The following RAPGEF6 variants were observed in gnomAD, a reference collection of about 807,000 sequenced individuals.
The protein encoded by RAPGEF6 is PDZ domain containing guanine nucleotide exchange factor (GEF) 2.
Under a neutral mutation model 171.4 loss-of-function variants are expected in RAPGEF6, and 56 were observed. That is an observed-to-expected ratio of 0.33 (90% confidence interval 0.26 to 0.41). RAPGEF6 has a LOEUF of 0.41. RAPGEF6 is among the 10% of genes least tolerant of loss of function. RAPGEF6 has a pLI of 1.00. For missense variants in RAPGEF6, 1,674 were observed against 1,921.4 expected, an observed-to-expected ratio of 0.87 and a Z score of 2.41; for synonymous variants, 692 against 650.1, an observed-to-expected ratio of 1.06 and a Z score of -0.98.
At chr5:131,454,397 G>A (rs1012324422) in intron 20 of RAPGEF6, among the ~76,000 whole-genome samples, 1 of 151,982 alleles carries the variant, frequency 6.6e-6, no homozygotes, top group Non-Finnish European at 1.5e-5. Context: ...AGGCACATCA[G>A]GAGAAAACAT....
At chr5:131,547,950 A>AGCCCAGCATGTTGTATGT (rs1760658851) in intron 6 of RAPGEF6, 97 bp downstream of exon 6, 1 of 1,325,914 alleles carries the variant, frequency 7.5e-7, no homozygotes, top group Non-Finnish European at 1.0e-6. Flanking sequence ...TCACATACAG[A>AGCCCAGCATGTTGTATGT]GCCCAGCATG....
chr5:131,463,708 TAGAAAA>T (rs1373876915), intron 18 of RAPGEF6: 2 of 968,110 alleles, frequency 2.1e-6, no homozygotes, highest in Non-Finnish European at 2.5e-6. Flanking sequence ...GAAAACTACT[TAGAAAA>T]AGAACTGTGA....
At chr5:131,496,440 C>T (rs1756647523) in intron 12 of RAPGEF6, among the ~76,000 whole-genome samples, 1 of 152,024 alleles carries the variant, frequency 6.6e-6, no homozygotes, top group Non-Finnish European at 1.5e-5. Flanking sequence ...TAACCATCAC[C>T]ACTGTCTAGT....
chr5:131,580,024 G>A (rs879468572), intron 4 of RAPGEF6, among the ~76,000 whole-genome samples: 4 of 152,258 alleles, frequency 2.6e-5, no homozygotes, highest in Non-Finnish European at 4.4e-5. Flanking sequence ...TCAGTCCCAA[G>A]CTGCGCGCCT....
rs1306347679 is a variant in RAPGEF6, at chr5:131,498,581, A to G, written c.1281T>C (p.His427=). 1.2e-6 allele frequency: 2 copies of G among 1,613,632 alleles called. No homozygotes were observed. The highest frequency in any genetic ancestry group is 3.3e-5 in the Admixed American group (2 of 59,972). The stretch of plus-strand genomic sequence containing the variant: ...CCACGATGGAATGTTCTTCTATTAA[A>G]TGCATTATGAGACGCTCAGGTGTTG... The part of the protein sequence containing the change: ...IKATPERLIM[H]LIEEHSIVDP... Residue 427 remains histidine, a synonymous_variant, in exon 12 of 28, where the codon CAT becomes CAC. Transcript: ENST00000509018.
chr5:131,491,911 T>C (rs1756307603), intron 14 of RAPGEF6, among the ~76,000 whole-genome samples: 2 of 152,130 alleles, frequency 1.3e-5, no homozygotes, highest in Admixed American at 6.5e-5. Context: ...TGTTCAGACA[T>C]CATTGCTTAA....
chr5:131,472,892 A>G (rs1482744719), intron 16 of RAPGEF6, 148 bp from the exon 17 acceptor site: 23 of 654,800 alleles, frequency 3.5e-5, no homozygotes. Flanking sequence ...TTAAAAGACA[A>G]TTGTAATGAT....
At chr5:131,453,900 G>A (rs1488893658) in intron 20 of RAPGEF6, among the ~76,000 whole-genome samples, 2 of 152,200 alleles carry the variant, frequency 1.3e-5, no homozygotes, top group Non-Finnish European at 2.9e-5. Context: ...CATATCTGAA[G>A]CCTGTAACAT....
Position 131,427,156 on chromosome 5 carries a change from G to T in RAPGEF6, c.*110C>A. On this transcript the variant is annotated 3_prime_UTR_variant, in exon 28 of 28. Coordinates refer to ENST00000509018, the MANE Select transcript of RAPGEF6 (RefSeq NM_016340.6). ...CGGAGTAGAGGGAATAAAACCTCTGGACTGGTTGTAGCAATGAGCTGTTCG... is the reference window on the plus strand; with the variant it reads ...CGGAGTAGAGGGAATAAAACCTCTGTACTGGTTGTAGCAATGAGCTGTTCG... The T allele has an allele frequency of 2.0e-6, 2 of 981,380 alleles. No individual in the cohort carries two copies. The highest frequency in any genetic ancestry group is 3.3e-6 in the Non-Finnish European group (2 of 608,810). 60.8% of individuals were successfully genotyped at this position (981,380 alleles called of 1,614,324 possible).
intron 4 of RAPGEF6, among the ~76,000 whole-genome samples, chr5:131,580,395 C>T (rs549769111): frequency 1.4e-4 from 21 of 152,148 alleles, no homozygotes; most frequent in Non-Finnish European, 2.2e-4. Context: ...AGCGCAGCCC[C>T]TGTTCCTGCC....
rs151048347 is a variant in RAPGEF6 at position 131,480,363 on chromosome 5, T to C, written c.1841-610A>G. 5.6e-3 allele frequency among the ~76,000 whole-genome samples: 850 copies of C among 152,310 alleles called. 6 individuals carry two copies. Among genetic ancestry groups the C allele is most frequent in the Middle Eastern group, 0.02 (6 of 294 alleles). On this transcript the variant is annotated intron_variant, in intron 15 of 27. Coordinates refer to ENST00000509018, the MANE Select transcript of RAPGEF6 (RefSeq NM_016340.6). The stretch of plus-strand genomic sequence containing the variant: ...GCATATACCGAGGGATAACTACATA[T>C]GTCACTTGAGATGAGACCTCACTAC...
intron 1 of RAPGEF6, among the ~76,000 whole-genome samples, chr5:131,631,831 C>T (rs991782849): frequency 1.3e-5 from 2 of 152,264 alleles, no homozygotes; most frequent in African/African-American, 2.4e-5. Flanking sequence ...AATCCCAGCA[C>T]TTTGGGAGGC....
At chr5:131,555,887 A>T (rs1007985995) in intron 5 of RAPGEF6, among the ~76,000 whole-genome samples, 1 of 152,226 alleles carries the variant, frequency 6.6e-6, no homozygotes, top group Non-Finnish European at 1.5e-5. Context: ...TGAACATCAT[A>T]GAGTGCACTT....
intron 4 of RAPGEF6, among the ~76,000 whole-genome samples, chr5:131,574,934 C>G (rs1342897684): frequency 6.6e-6 from 1 of 152,126 alleles, no homozygotes; most frequent in Non-Finnish European, 1.5e-5. Context: ...TTTTAAAGCT[C>G]ACAAATTCTC....
Position 131,428,409 on chromosome 5 carries a change from A to C in RAPGEF6, c.4780+493T>G, listed in dbSNP as rs10062078. On this transcript the variant is annotated intron_variant, in intron 27 of 27. Transcript: ENST00000509018. Reference sequence around the variant, plus strand: ...AGCTTGGGCAACAGAGTTAGACCCTATCTTGAAAAATAAAACAAAACCAAA... The same window carrying C: ...AGCTTGGGCAACAGAGTTAGACCCTCTCTTGAAAAATAAAACAAAACCAAA... 2.0e-5 allele frequency among the ~76,000 whole-genome samples: 3 copies of C among 151,906 alleles called. No individual in the cohort carries two copies. In the East Asian group the frequency reaches 5.8e-4, roughly 29 times the overall value.
intron 21 of RAPGEF6, 49 bp downstream of exon 21, chr5:131,453,005 C>T (rs10054168): frequency 0.26 from 396,828 of 1,545,196 alleles, 56,640 homozygotes; most frequent in African/African-American, 0.52. Context: ...TTAATTATTA[C>T]ATCACCCTTG....
At chr5:131,531,986 T>A in intron 6 of RAPGEF6, 1 of 311,168 alleles carries the variant, frequency 3.2e-6, no homozygotes, top group Non-Finnish European at 6.3e-6. Flanking sequence ...GAAAGACTAC[T>A]TTGTAGTTCT....
Position 131,540,458 on chromosome 5 carries a change from C to G in RAPGEF6, c.495+7589G>C, listed in dbSNP as rs149871007. Among the ~76,000 whole-genome samples the G allele has an allele frequency of 1.6e-3, 246 of 152,210 alleles. 1 individual carries two copies. The highest frequency in any genetic ancestry group is 5.7e-3 in the African/African-American group (236 of 41,534). On this transcript the variant is annotated intron_variant, in intron 6 of 27. Coordinates refer to ENST00000509018, the MANE Select transcript of RAPGEF6 (RefSeq NM_016340.6). ...GCACATGCCTGTAGTCCTAGCTACT[C>G]AGGAGGCTAAGGCAGGTCGTTAGAG...
chr5:131,487,733 A>C (rs1241639825), intron 15 of RAPGEF6, among the ~76,000 whole-genome samples: 1 of 152,160 alleles, frequency 6.6e-6, no homozygotes, highest in Non-Finnish European at 1.5e-5. Flanking sequence ...TTCACCTCTC[A>C]GTATCACTGA....
Sources: gnomAD v4.1 joint callset for allele counts (sites outside exome capture counted in the v4.1 genomes callset) on GRCh38, gnomAD v4.1.1 for gene constraint, MANE v1.5 for transcripts, NCBI Gene and HGNC (gene_info 2026-07-23, HGNC 2026-07-21) for gene names.